ERICH1: variants seen among roughly 807,000 people sequenced by gnomAD.
The protein encoded by ERICH1 is glutamate rich 1.
ERICH1 carries 56 observed loss-of-function variants against 39.6 expected under a neutral mutation model. The observed-to-expected ratio is 1.41, with a 90% confidence interval of 1.14 to 1.77. The LOEUF (loss-of-function observed/expected upper bound fraction) is 1.77, where lower values mean the gene tolerates loss of function less well. Ranked by LOEUF, ERICH1 falls within the 40% of genes most tolerant of loss-of-function variation. The probability of loss-of-function intolerance (pLI) is 0.00; values close to 1 mark genes in which losing one functional copy is unlikely to be tolerated. For missense variants in ERICH1, 826 were observed against 575.4 expected, an observed-to-expected ratio of 1.44 and a Z score of -4.45; for synonymous variants, 313 against 223.6, an observed-to-expected ratio of 1.40 and a Z score of -3.57.
chr8:618,673 T>G (rs888008385), intron 3 of ERICH1, among the ~76,000 whole-genome samples: 1 of 152,170 alleles, frequency 6.6e-6, no homozygotes, highest in Non-Finnish European at 1.5e-5. Flanking sequence ...TGAGACTAAC[T>G]GCGTTATCAC....
At chr8:731,105 G>C (rs372701430) in intron 1 of ERICH1, 35 bp downstream of exon 1, 1 of 1,454,678 alleles carries the variant, frequency 6.9e-7, no homozygotes, top group Non-Finnish European at 9.1e-7. Context: ...GCCGGGTCTG[G>C]GGTCTGGGCA....
At position 697,889 on chromosome 8, in the gene ERICH1, A is replaced by T. The variant is rs148854163; in HGVS notation, c.170-5277T>A. Among the ~76,000 whole-genome samples, 343 of 152,268 alleles carry T rather than the reference A, an allele frequency of 2.3e-3. 1 individual carries two copies. The highest frequency in any genetic ancestry group is 6.8e-3 in the Middle Eastern group (2 of 294). On this transcript the variant is annotated intron_variant, in intron 2 of 5. Coordinates refer to ENST00000262109, the MANE Select transcript of ERICH1 (RefSeq NM_207332.3). ...GCCCCTGGGAGAGGCCATCCCTGAG[A>T]CGAGGAGTGTAGGGACCAGGAGCTT...
At chr8:706,388 A>G (rs910290139) in intron 2 of ERICH1, among the ~76,000 whole-genome samples, 1 of 152,234 alleles carries the variant, frequency 6.6e-6, no homozygotes, top group African/African-American at 2.4e-5. Flanking sequence ...TCCACTTACA[A>G]TAGCACCAAA....
At chr8:690,351 C>T (rs1320297232) in intron 3 of ERICH1, among the ~76,000 whole-genome samples, 1 of 152,240 alleles carries the variant, frequency 6.6e-6, no homozygotes, top group African/African-American at 2.4e-5. Context: ...CTTTTGGGCA[C>T]AGGTCTGCCT....
At position 716,036 on chromosome 8, in the gene ERICH1, G is replaced by A. The variant is rs372990979; in HGVS notation, c.23-29C>T. 4 of 1,571,220 alleles carry A rather than the reference G, an allele frequency of 2.5e-6. No individual in the cohort carries two copies. The South Asian group carries it at 3.6e-5, about 14-fold the overall frequency. On this transcript the variant is annotated intron_variant, in intron 1 of 5. Transcript: ENST00000262109. ...TACAGACAACCGATTAAAAGAAAAG[G>A]AGGAAAAGGAATGAATTATGCAGTT...
At chr8:717,328 G>T (rs1238572229) in intron 1 of ERICH1, among the ~76,000 whole-genome samples, 1 of 152,158 alleles carries the variant, frequency 6.6e-6, no homozygotes, top group Middle Eastern at 3.2e-3. Context: ...AAAAGCTCCT[G>T]CTGGCTGTGG....
At chr8:635,592 GC>G (rs1296265985) in intron 3 of ERICH1, among the ~76,000 whole-genome samples, 3 of 152,230 alleles carry the variant, frequency 2.0e-5, no homozygotes, top group Non-Finnish European at 4.4e-5. Context: ...AGCCGGCCCG[GC>G]CCCGACCTGC....
intron 3 of ERICH1, among the ~76,000 whole-genome samples, chr8:631,132 T>G (rs1798012740): frequency 6.6e-6 from 1 of 152,192 alleles, no homozygotes; most frequent in South Asian, 2.1e-4. Flanking sequence ...ATCACCCACA[T>G]GAGGCAGAGG....
intron 5 of ERICH1, chr8:667,268 A>G (rs775062681): frequency 6.5e-6 from 1 of 152,926 alleles, no homozygotes; most frequent in Non-Finnish European, 1.5e-5. Context: ...GGCTCCTCCC[A>G]TGTGCCTGGC....
chr8:679,805 G>T (rs1344569546), intron 3 of ERICH1, among the ~76,000 whole-genome samples: 3 of 152,194 alleles, frequency 2.0e-5, no homozygotes, highest in African/African-American at 7.2e-5. Context: ...GACAACGTGT[G>T]CAAGAGCTGG....
intron 3 of ERICH1, among the ~76,000 whole-genome samples, chr8:677,405 C>A (rs1417897295): frequency 6.6e-6 from 1 of 152,210 alleles, no homozygotes; most frequent in South Asian, 2.1e-4. Context: ...TCCACCACCA[C>A]AGCGTGGCAC....
intron 3 of ERICH1, among the ~76,000 whole-genome samples, chr8:641,765 A>C (rs548382953): frequency 1.3e-5 from 2 of 151,880 alleles, no homozygotes; most frequent in Non-Finnish European, 2.9e-5. Flanking sequence ...TTCCAGGCTC[A>C]TCTCAGATGC....
chr8:684,969 T>C (rs897509249), intron 3 of ERICH1, among the ~76,000 whole-genome samples: 6 of 152,222 alleles, frequency 3.9e-5, no homozygotes, highest in African/African-American at 1.2e-4. Context: ...TGAAGTTTCA[T>C]GTTCCACTGT....
intron 3 of ERICH1, among the ~76,000 whole-genome samples, chr8:643,458 C>A (rs1410551321): frequency 6.6e-6 from 1 of 152,240 alleles, no homozygotes; most frequent in African/African-American, 2.4e-5. Context: ...ATTTTGCAGA[C>A]TGGGGATAGG....
intron 3 of ERICH1, among the ~76,000 whole-genome samples, chr8:624,645 C>T (rs934198708): frequency 6.6e-6 from 1 of 152,080 alleles, no homozygotes; most frequent in African/African-American, 2.4e-5. Flanking sequence ...GGGAAGCAGG[C>T]ACGTCTTGCA....
rs774077823 is a variant in ERICH1 at position 674,030 on chromosome 8, G to A, written c.322C>T (p.Gln108Ter). The change falls in exon 4 of 6, where the codon CAG becomes TAG. Residue 108 changes from glutamine (Q) to a stop codon, truncating the protein, a stop_gained. Transcript: ENST00000262109. LOFTEE classifies it high-confidence loss of function. ...TTCCTAATTCTTCTTCTCTTTGGCT[G>A]GTCATGAGGATCCTGATCTGTTAAA... ...DDTEDQDPHD[Q>*]PKRRRIRKHK... The A allele has an allele frequency of 1.3e-6, 2 of 1,560,514 alleles. No individual in the cohort carries two copies. Among genetic ancestry groups the A allele is most frequent in the African/African-American group, 1.4e-5 (1 of 72,296 alleles).
At chr8:665,663 G>C (rs914253162) in intron 5 of ERICH1, among the ~76,000 whole-genome samples, 1 of 152,230 alleles carries the variant, frequency 6.6e-6, no homozygotes, top group Non-Finnish European at 1.5e-5. Flanking sequence ...GAACACTCAG[G>C]GAATGGCAGC....
chr8:623,381 G>A (rs1439037803), intron 3 of ERICH1, among the ~76,000 whole-genome samples: 1 of 152,150 alleles, frequency 6.6e-6, no homozygotes, highest in Non-Finnish European at 1.5e-5. Flanking sequence ...GAAATCGAAG[G>A]AAACCTCCTC....
chr8:635,443 A>AGGGGCTGTGT (rs1798351495), intron 3 of ERICH1, among the ~76,000 whole-genome samples: 1 of 152,048 alleles, frequency 6.6e-6, no homozygotes, highest in African/African-American at 2.4e-5. Context: ...GCTGGCTGTG[A>AGGGGCTGTGT]GAGGGGCTGT....
Sources: gnomAD v4.1 joint callset for allele counts (sites outside exome capture counted in the v4.1 genomes callset) on GRCh38, gnomAD v4.1.1 for gene constraint, MANE v1.5 for transcripts, NCBI Gene and HGNC (gene_info 2026-07-23, HGNC 2026-07-21) for gene names.